Variants in PPIG observed in about 807,000 individuals in gnomAD.
PPIG encodes peptidylprolyl isomerase G.
Under a neutral mutation model 87.9 loss-of-function variants are expected in PPIG, and 26 were observed. The ratio of observed to expected loss-of-function variants is 0.30; its 90% confidence interval spans 0.22 to 0.41. The LOEUF (loss-of-function observed/expected upper bound fraction) is 0.41. PPIG is among the 10% of genes least tolerant of loss of function. The pLI is 1.00. For missense variants in PPIG, 722 were observed against 879.4 expected (o/e 0.82, Z 2.26); for synonymous variants, 308 against 276.5 (o/e 1.11, Z -1.13).
chr2:169,586,859 A>G (rs1684718252), intron 1 of PPIG, among the ~76,000 whole-genome samples: 1 of 152,208 alleles, frequency 6.6e-6, no homozygotes, highest in Non-Finnish European at 1.5e-5. Context: ...GAATACATAG[A>G]TAATTAATGC....
chr2:169,607,515 T>A (rs1451308083), intron 6 of PPIG, among the ~76,000 whole-genome samples: 3 of 152,208 alleles, frequency 2.0e-5, no homozygotes, highest in African/African-American at 7.2e-5. Flanking sequence ...TTAAAAAATC[T>A]TTGATATTCT....
chr2:169,593,435 A>T (rs1244845187), intron 1 of PPIG, among the ~76,000 whole-genome samples: 1 of 152,014 alleles, frequency 6.6e-6, no homozygotes, highest in Non-Finnish European at 1.5e-5. Context: ...ACCTCAGGTG[A>T]TCTACCCGCC....
At chr2:169,629,106 A>T (rs1191550627) in intron 9 of PPIG, among the ~76,000 whole-genome samples, 1 of 152,128 alleles carries the variant, frequency 6.6e-6, no homozygotes, top group Non-Finnish European at 1.5e-5. Context: ...TAATCCAAAG[A>T]TATATTTTCT....
intron 9 of PPIG, among the ~76,000 whole-genome samples, chr2:169,615,550 A>G (rs1413642782): frequency 1.3e-5 from 2 of 152,214 alleles, no homozygotes; most frequent in Non-Finnish European, 2.9e-5. Flanking sequence ...TTCCACATGT[A>G]AGTGAGTTCA....
intron 1 of PPIG, among the ~76,000 whole-genome samples, chr2:169,592,522 T>C (rs1684896955): frequency 1.3e-5 from 2 of 152,078 alleles, no homozygotes; most frequent in Admixed American, 6.6e-5. Context: ...GCCAGGATGG[T>C]CTCAATCTCC....
chr2:169,595,892 C>T (rs920295232), intron 1 of PPIG, among the ~76,000 whole-genome samples: 3 of 152,078 alleles, frequency 2.0e-5, no homozygotes, highest in East Asian at 1.9e-4. Context: ...CAAGCTCTGC[C>T]TCCCGGGTTC....
At chr2:169,629,890 TA>T (rs1685990404) in intron 9 of PPIG, among the ~76,000 whole-genome samples, 1 of 152,212 alleles carries the variant, frequency 6.6e-6, no homozygotes, top group African/African-American at 2.4e-5. Flanking sequence ...CTTTATACTT[TA>T]TGAGTATCAC....
Position 169,630,947 on chromosome 2 carries a change from C to A in PPIG, c.721C>A (p.His241Asn), listed in dbSNP as rs1279282999. ...GAAACATCGGAAAAATTCCCGAAAA[C>A]ACAAGAAAGAAAAGAAAAAGCGAAA... Reference protein sequence around the residue: ...KKKHRKNSRKHKKEKKKRKKS... With the variant: ...KKKHRKNSRKNKKEKKKRKKS... The change falls in exon 10 of 14, where the codon CAC becomes AAC. Residue 241 changes from histidine to asparagine, a missense_variant. His to Asn is a moderately conservative substitution (Grantham distance 68). This residue lies in a region of PPIG where 142 missense variants were observed against 152.8 expected (regional missense o/e 0.93). Transcript: ENST00000260970. The A allele has an allele frequency of 4.4e-6, 7 of 1,596,840 alleles. No individual in the cohort carries two copies. The highest frequency in any genetic ancestry group is 6.0e-6 in the Non-Finnish European group (7 of 1,176,078).
chr2:169,638,083 T>C lies in PPIG; in HGVS notation c.*560T>C, dbSNP rs1014916986. 6.6e-6 allele frequency: 1 copy of C among 152,154 alleles called. No individual in the cohort carries two copies. Among genetic ancestry groups the C allele is most frequent in the Admixed American group, 6.6e-5 (1 of 15,262 alleles). 9.4% of individuals were successfully genotyped at this position (152,154 alleles called of 1,614,324 possible). A position where few individuals can be genotyped will look rare whatever the true frequency, so the allele number is the denominator to read the frequency against. On this transcript the variant is annotated 3_prime_UTR_variant, in exon 14 of 14. Coordinates refer to ENST00000260970, the MANE Select transcript of PPIG (RefSeq NM_004792.3). ...GATGTATTTATATTGCACTTCATACTCTATTCTTTATAGTTCGAGCCATAG... is the reference window on the plus strand; with the variant it reads ...GATGTATTTATATTGCACTTCATACCCTATTCTTTATAGTTCGAGCCATAG...
rs370937228 is a variant in PPIG, at chr2:169,608,777, A to C, written c.377+19A>C. ...TCTTCATGTAAGTATTTATTATCTG[A>C]TGATTTAAAACATCCCATTTTTGGG... On this transcript the variant is annotated intron_variant, in intron 7 of 13. Transcript: ENST00000260970. 5 of 1,558,066 alleles carry C rather than the reference A, an allele frequency of 3.2e-6. No individual in the cohort carries two copies. The highest frequency in any genetic ancestry group is 4.4e-6 in the Non-Finnish European group (5 of 1,132,452).
rs148272958 is a variant in PPIG, at chr2:169,593,473, A to G, written c.-70+8983A>G. Reference sequence around the variant, plus strand: ...GGCCTCCCAAAGTAGCAGTACATTTATTAAAGAAAACTAGAAAGAAGTAGT... The same window carrying G: ...GGCCTCCCAAAGTAGCAGTACATTTGTTAAAGAAAACTAGAAAGAAGTAGT... On this transcript the variant is annotated intron_variant, in intron 1 of 13. Transcript: ENST00000260970. 3.1e-3 allele frequency among the ~76,000 whole-genome samples: 475 copies of G among 152,168 alleles called. 3 individuals carry two copies. Among genetic ancestry groups the G allele is most frequent in the African/African-American group, 0.011 (442 of 41,530 alleles).
chr2:169,592,099 AT>A (rs72224744), intron 1 of PPIG, among the ~76,000 whole-genome samples: 59,538 of 145,862 alleles, frequency 0.41, 12,600 homozygotes, highest in East Asian at 0.59. Flanking sequence ...GCTAATTGTC[AT>A]TTTTTTTTTA....
In PPIG at chr2:169,641,021, T is replaced by G. The variant is rs867941139; in HGVS notation, c.*3498T>G. Reference sequence around the variant, plus strand: ...TCTGACTTTTTTTCTTTAAGCAAATTCCATATGTTACCAAAAGCACATGCT... The same window carrying G: ...TCTGACTTTTTTTCTTTAAGCAAATGCCATATGTTACCAAAAGCACATGCT... On this transcript the variant is annotated 3_prime_UTR_variant, in exon 14 of 14. Coordinates refer to ENST00000260970, the MANE Select transcript of PPIG (RefSeq NM_004792.3). The G allele has an allele frequency of 6.6e-6, 1 of 152,202 alleles. No individual in the cohort carries two copies. The highest frequency in any genetic ancestry group is 1.5e-5 in the Non-Finnish European group (1 of 68,026). The allele number at this position is 152,202 out of a possible 1,614,324, so 9.4% of individuals were successfully genotyped here.
chr2:169,609,062 T>C (rs952975183), intron 7 of PPIG, among the ~76,000 whole-genome samples: 2 of 136,150 alleles, frequency 1.5e-5, no homozygotes, highest in African/African-American at 5.5e-5. Context: ...CCAGCCTGGG[T>C]GACAGAGCAA....
intron 1 of PPIG, among the ~76,000 whole-genome samples, chr2:169,587,733 T>C (rs1684742633): frequency 6.6e-6 from 1 of 152,256 alleles, no homozygotes; most frequent in African/African-American, 2.4e-5. Context: ...TTTGTACTTC[T>C]AGCAGCAGAC....
At chr2:169,606,978 T>G in intron 5 of PPIG, 126 bp from the exon 6 acceptor site, 2 of 676,524 alleles carry the variant, frequency 3.0e-6, no homozygotes, top group Non-Finnish European at 5.1e-6. Flanking sequence ...TTTTATGATT[T>G]GCTGCAATCT....
intron 9 of PPIG, among the ~76,000 whole-genome samples, chr2:169,624,712 T>C (rs925437173): frequency 1.3e-5 from 2 of 152,074 alleles, no homozygotes; most frequent in Non-Finnish European, 2.9e-5. Context: ...CTCAGCCTCC[T>C]GAGTAGCTAG....
rs1003509772 is a variant in PPIG at position 169,638,912 on chromosome 2, A to G, written c.*1389A>G. On this transcript the variant is annotated 3_prime_UTR_variant, in exon 14 of 14. Transcript: ENST00000260970. ...AAAATTCCAATTAATAGGATTCTCT[A>G]GAGAGTTTTGTACTTTAATATTTGT... 2.6e-5 allele frequency: 4 copies of G among 152,010 alleles called. No homozygotes were observed. The highest frequency in any genetic ancestry group is 7.2e-5 in the African/African-American group (3 of 41,428). The allele number at this position is 152,010 out of a possible 1,614,324, so 9.4% of individuals were successfully genotyped here. A position where few individuals can be genotyped will look rare whatever the true frequency, so the allele number is the denominator to read the frequency against.
At chr2:169,596,554 T>C (rs1685022024) in intron 1 of PPIG, among the ~76,000 whole-genome samples, 1 of 152,176 alleles carries the variant, frequency 6.6e-6, no homozygotes, top group Non-Finnish European at 1.5e-5. Context: ...GAGAACTTTC[T>C]TGTAACACTC....
Sources: gnomAD v4.1 joint callset for allele counts (sites outside exome capture counted in the v4.1 genomes callset) on GRCh38, gnomAD v4.1.1 for gene constraint, gnomAD v4.1.1 regional missense constraint, MANE v1.5 for transcripts, NCBI Gene and HGNC (gene_info 2026-07-23, HGNC 2026-07-21) for gene names.